DAGLB: variants seen among roughly 807,000 people sequenced by gnomAD.
DAGLB encodes the protein diacylglycerol lipase beta.
A neutral mutation model predicts 72.1 loss-of-function variants in DAGLB; 66 were observed. That is an observed-to-expected ratio of 0.92 (90% CI 0.75 to 1.12). The LOEUF (loss-of-function observed/expected upper bound fraction) is 1.12, where lower values mean the gene tolerates loss of function less well. Among genes scored for constraint, DAGLB ranks in the 50% most tolerant of loss-of-function variants. The pLI is 0.00. For missense variants in DAGLB, 1,065 were observed against 884.9 expected (o/e 1.20, Z -2.58); for synonymous variants, 414 against 359.5 (o/e 1.15, Z -1.71).
chr7:6,435,577 G>C lies in DAGLB; in HGVS notation c.420-557C>G, dbSNP rs372212309. ...CCACAGAAGGAACAGGGAGGTGTCCGCTGGGCAGAGTTGCAGCCTGCGCCC... is the reference window on the plus strand; with the variant it reads ...CCACAGAAGGAACAGGGAGGTGTCCCCTGGGCAGAGTTGCAGCCTGCGCCC... On this transcript the variant is annotated intron_variant, in intron 3 of 14. Transcript: ENST00000297056. The C allele has an allele frequency of 3.5e-3, 541 of 155,638 alleles. 4 individuals are homozygous for C. Among genetic ancestry groups the C allele is most frequent in the African/African-American group, 0.012 (505 of 41,562 alleles). The allele number at this position is 155,638 out of a possible 1,614,324, so 9.6% of individuals were successfully genotyped here. A position where few individuals can be genotyped will look rare whatever the true frequency, so the allele number is the denominator to read the frequency against.
chr7:6,417,044 A>T, intron 9 of DAGLB, 123 bp from the exon 10 acceptor site: 1 of 1,098,752 alleles, frequency 9.1e-7, no homozygotes. Context: ...GAGACTGCAG[A>T]ATCAGCAGCC....
intron 5 of DAGLB, among the ~76,000 whole-genome samples, chr7:6,431,411 C>T (rs1173674707): frequency 6.6e-6 from 1 of 152,164 alleles, no homozygotes; most frequent in Non-Finnish European, 1.5e-5. Context: ...CAGTCCCCAT[C>T]CCAGGAGGAA....
chr7:6,422,531 GAT>G (rs1177088218), intron 8 of DAGLB: 1 of 155,164 alleles, frequency 6.4e-6, no homozygotes, highest in Non-Finnish European at 1.4e-5. Flanking sequence ...ACACAAACTT[GAT>G]GTTAAAGACA....
chr7:6,434,658 C>T, intron 4 of DAGLB, 104 bp downstream of exon 4: 3 of 1,552,554 alleles, frequency 1.9e-6, no homozygotes, highest in Admixed American at 1.8e-5. Flanking sequence ...CACCCAAAGA[C>T]ACCAGGTTCT....
At chr7:6,445,770 G>T in intron 2 of DAGLB, 183 bp downstream of exon 2, 1 of 656,312 alleles carries the variant, frequency 1.5e-6, no homozygotes. Flanking sequence ...GCCTGGTACA[G>T]GATTTCTTTC....
At chr7:6,414,438 G>A (rs867376107) in intron 11 of DAGLB, among the ~76,000 whole-genome samples, 5 of 151,176 alleles carry the variant, frequency 3.3e-5, no homozygotes, top group East Asian at 2.0e-4. Context: ...TCAGCCTCCC[G>A]GGTAGCTGGG....
intron 6 of DAGLB, among the ~76,000 whole-genome samples, chr7:6,428,131 G>A (rs1016561078): frequency 6.6e-6 from 1 of 152,156 alleles, no homozygotes; most frequent in East Asian, 1.9e-4. Context: ...TGGATCACCT[G>A]AGGTCAGGAG....
At chr7:6,414,067 G>A (rs961278424) in intron 11 of DAGLB, among the ~76,000 whole-genome samples, 1 of 152,192 alleles carries the variant, frequency 6.6e-6, no homozygotes, top group Non-Finnish European at 1.5e-5. Flanking sequence ...CTGGAGTGCA[G>A]CGGCACAATC....
chr7:6,429,720 G>C (rs1045672926), intron 6 of DAGLB, among the ~76,000 whole-genome samples: 1 of 152,020 alleles, frequency 6.6e-6, no homozygotes, highest in Non-Finnish European at 1.5e-5. Flanking sequence ...GGCCAACATA[G>C]TGAAACCCCG....
At chr7:6,427,504 A>T (rs1182188433) in intron 6 of DAGLB, among the ~76,000 whole-genome samples, 4 of 152,218 alleles carry the variant, frequency 2.6e-5, no homozygotes, top group South Asian at 2.1e-4. Context: ...AAACATTTTT[A>T]AAAATTATCT....
At chr7:6,422,157 G>A (rs541319301) in intron 8 of DAGLB, 32 of 372,152 alleles carry the variant, frequency 8.6e-5, no homozygotes, top group African/African-American at 3.4e-4. Flanking sequence ...CAGGAGCCCC[G>A]TAACAGGTGA....
At chr7:6,427,851 G>A (rs1784360411) in intron 6 of DAGLB, among the ~76,000 whole-genome samples, 1 of 152,156 alleles carries the variant, frequency 6.6e-6, no homozygotes, top group Non-Finnish European at 1.5e-5. Flanking sequence ...AAAGAACACT[G>A]GAGCCAGTCT....
intron 9 of DAGLB, among the ~76,000 whole-genome samples, chr7:6,420,169 C>T (rs548738420): frequency 5.3e-5 from 8 of 151,712 alleles, no homozygotes; most frequent in African/African-American, 1.4e-4. Context: ...AGTCCAGGTG[C>T]GGTGGCTTAT....
intron 1 of DAGLB, 53 bp downstream of exon 1, chr7:6,447,695 C>T: frequency 6.3e-7 from 1 of 1,576,732 alleles, no homozygotes; most frequent in South Asian, 1.1e-5. Flanking sequence ...GGACAGCTCG[C>T]CCCCCGCTCC....
At chr7:6,422,005 T>C in intron 8 of DAGLB, 1 of 678,034 alleles carries the variant, frequency 1.5e-6, no homozygotes, top group South Asian at 1.5e-5. Context: ...CGACCAGCTC[T>C]GGGCCAGGCG....
chr7:6,430,470 G>A lies in DAGLB; in HGVS notation c.929+10C>T, dbSNP rs1784450890. ...ATATGGCTATGGAGGCTCAGACTGT[G>A]CCAACCCACCAGTCACCACCAATCC... On this transcript the variant is annotated intron_variant, in intron 6 of 14. Coordinates refer to ENST00000297056, the MANE Select transcript of DAGLB (RefSeq NM_139179.4). The A allele has an allele frequency of 3.3e-6, 5 of 1,520,282 alleles. No homozygotes were observed. In the East Asian group the frequency reaches 1.2e-4, roughly 35 times the overall value. 94.2% of individuals were successfully genotyped at this position (1,520,282 alleles called of 1,614,324 possible).
intron 6 of DAGLB, among the ~76,000 whole-genome samples, chr7:6,427,312 G>C (rs1001921585): frequency 1.3e-5 from 2 of 152,044 alleles, no homozygotes; most frequent in African/African-American, 2.4e-5. Flanking sequence ...TTGCAGACAT[G>C]ATGTGGAGAA....
Position 6,446,101 on chromosome 7 carries a change from C to T in DAGLB, c.99G>A (p.Trp33Ter). 1 of 1,579,066 alleles carries T rather than the reference C, an allele frequency of 6.3e-7. No individual in the cohort carries two copies. The highest frequency in any genetic ancestry group is 8.6e-7 in the Non-Finnish European group (1 of 1,167,826). Residue 33 changes from tryptophan to a stop codon, truncating the protein, a stop_gained, in exon 2 of 15, where the codon TGG becomes TGA. Coordinates refer to ENST00000297056, the MANE Select transcript of DAGLB (RefSeq NM_139179.4). LOFTEE classifies it high-confidence loss of function. The part of the protein sequence containing the change: ...FFELVVRVLW[W>*]IGILTLYLMH... The stretch of plus-strand genomic sequence containing the variant: ...TGAGATACAACGTCAGAATGCCAAT[C>T]CACCTGGCAAAAAAAAAAAAGGGAA...
intron 2 of DAGLB, among the ~76,000 whole-genome samples, chr7:6,445,140 G>A (rs757332011): frequency 5.9e-5 from 9 of 152,126 alleles, no homozygotes; most frequent in Non-Finnish European, 1.2e-4. Context: ...ACACACTCAA[G>A]AGAAATGAAA....
Sources: allele counts gnomAD v4.1 joint callset (sites outside exome capture counted in the v4.1 genomes callset), GRCh38; gene constraint gnomAD v4.1.1; transcripts MANE v1.5; gene names NCBI Gene and HGNC (gene_info 2026-07-23, HGNC 2026-07-21).